The following DMD variants were observed in gnomAD, a reference collection of about 807,000 sequenced individuals.
DMD encodes dystrophin.
Under a neutral mutation model 330.1 loss-of-function variants are expected in DMD, and 63 were observed. The ratio of observed to expected loss-of-function variants is 0.19; its 90% CI spans 0.16 to 0.24. The LOEUF is 0.24. Among genes scored for constraint, DMD ranks in the 10% least tolerant of loss-of-function variants. The pLI is 1.00. For synonymous variants in DMD, 1,223 were observed against 959.8 expected (o/e 1.27, Z -5.07); for missense variants, 3,344 against 2,684.1 (o/e 1.25, Z -5.43).
chrX:31,693,211 A>G (rs900721435), intron 52 of DMD, among the ~76,000 whole-genome samples: 6 of 112,110 alleles, frequency 5.4e-5, no homozygotes, highest in African/African-American at 1.6e-4. Context: ...AGAGCATTTG[A>G]CAAAATTCAA....
chrX:32,868,129 G>T (rs1232195455), intron 2 of DMD, among the ~76,000 whole-genome samples: 1 of 111,616 alleles, frequency 9.0e-6, no homozygotes, highest in Non-Finnish European at 1.9e-5. Flanking sequence ...CGCGACAAGG[G>T]AAGCTCCCAC....
chrX:32,748,987 T>C (rs776855084), intron 7 of DMD, among the ~76,000 whole-genome samples: 14 of 112,253 alleles, frequency 1.2e-4, no homozygotes, highest in Admixed American at 3.8e-4. Flanking sequence ...TTTTCTCCCA[T>C]TGGGGACCTA....
At chrX:31,275,637 C>T (rs1029205812) in intron 62 of DMD, among the ~76,000 whole-genome samples, 1 of 110,719 alleles carries the variant, frequency 9.0e-6, no homozygotes, top group South Asian at 3.8e-4. Flanking sequence ...TGGGAAGAAA[C>T]AAGGGTGGAA....
At chrX:32,247,129 G>A (rs934287699) in intron 43 of DMD, among the ~76,000 whole-genome samples, 1 of 111,536 alleles carries the variant, frequency 9.0e-6, no homozygotes, top group Non-Finnish European at 1.9e-5. Flanking sequence ...TTTACATCAT[G>A]AAAATCTTCA....
At chrX:32,230,461 G>A (rs1036543844) in intron 43 of DMD, among the ~76,000 whole-genome samples, 22 of 111,244 alleles carry the variant, frequency 2.0e-4, no homozygotes, top group Non-Finnish European at 3.2e-4. Context: ...TGGCCAGGAC[G>A]GTCTCGATCT....
intron 43 of DMD, among the ~76,000 whole-genome samples, chrX:32,243,624 G>A (rs1014605515): frequency 9.0e-6 from 1 of 111,627 alleles, no homozygotes; most frequent in Non-Finnish European, 1.9e-5. Context: ...TATAATAAAA[G>A]AATTAGGTAG....
In DMD at chrX:32,024,063, C is replaced by T. The variant is rs143349204; in HGVS notation, c.6439-55549G>A. Among the ~76,000 whole-genome samples, 335 of 111,122 alleles carry T rather than the reference C, an allele frequency of 3.0e-3. 3 individuals are homozygous for T. Among genetic ancestry groups the T allele is most frequent in the African/African-American group, 0.01 (320 of 30,589 alleles). On this transcript the variant is annotated intron_variant, in intron 44 of 78. Transcript: ENST00000357033. The stretch of plus-strand genomic sequence containing the variant: ...GCACTATATCCAGGGAACATGTACC[C>T]GCTGAATCTAAAATAAAAGTTGAAA...
In DMD at chrX:32,699,100, T is replaced by C. The variant is rs1277972297; in HGVS notation, c.831+12A>G. On this transcript the variant is annotated intron_variant, in intron 8 of 78. Transcript: ENST00000357033. ...AACATCTTGAATAGTAGCTGTCCTT[T>C]ACACACTTTACCTGTTGAGAATAGT... The C allele has an allele frequency of 4.2e-6, 5 of 1,200,148 alleles. No homozygotes were observed. In the African/African-American group the frequency reaches 8.8e-5, roughly 21 times the overall value.
chrX:31,794,522 T>G (rs1458378), intron 50 of DMD, among the ~76,000 whole-genome samples: 14,214 of 111,498 alleles, frequency 0.13, 718 homozygotes, highest in East Asian at 0.26. Context: ...CTATTTCATA[T>G]TTTAGATGTG....
rs1195464935 is a variant in DMD, at chrX:33,259,600, C to A, written c.7+79659G>T. ...GTAATGTAAATATTTCAAAATCGCC[C>A]CCCCCCCCCAAAAAAAAAAAGGAAA... On this transcript the variant is annotated intron_variant, in intron 1 of 17. Coordinates refer to the DMD transcript ENST00000288447. Among the ~76,000 whole-genome samples the A allele has an allele frequency of 1.2e-4, 7 of 58,256 alleles. 1 individual carries two copies. In the East Asian group the frequency reaches 3.9e-3, roughly 32 times the overall value. 50.6% of individuals were successfully genotyped at this position (58,256 alleles called of 115,157 possible).
At position 32,882,735 on chromosome X, in the gene DMD, G is replaced by A. The variant is rs758823757; in HGVS notation, c.94-32915C>T. The stretch of plus-strand genomic sequence containing the variant: ...GGACAGTTGAATCAAATCTAGCCCT[G>A]TAGTTATTTTTCAAAGTCAACATGA... On this transcript the variant is annotated intron_variant, in intron 2 of 78. Coordinates refer to ENST00000357033, the MANE Select transcript of DMD (RefSeq NM_004006.3). 8.9e-5 allele frequency among the ~76,000 whole-genome samples: 10 copies of A among 111,936 alleles called. No homozygotes were observed. The South Asian group carries it at 3.7e-3, about 42-fold the overall frequency.
chrX:32,134,223 G>A (rs1253370083), intron 44 of DMD, among the ~76,000 whole-genome samples: 2 of 110,038 alleles, frequency 1.8e-5, no homozygotes, highest in African/African-American at 6.6e-5. Flanking sequence ...AGAATCCAGA[G>A]GGCATACATC....
intron 1 of DMD, among the ~76,000 whole-genome samples, chrX:33,126,963 A>G (rs1314793499): frequency 2.7e-5 from 3 of 112,039 alleles, no homozygotes. Flanking sequence ...TAAAGAGATT[A>G]GTAAAACAGC....
Position 31,370,031 on chromosome X carries a change from G to A in DMD, c.9085-21397C>T, listed in dbSNP as rs185477853. ...GGAGAATGGCGTGAACCCGGGAGGC[G>A]GAACTTGCAGTGAGCCAAGATCGGG... is the stretch of plus-strand genomic sequence containing the variant. On this transcript the variant is annotated intron_variant, in intron 60 of 78. Transcript: ENST00000357033. Among the ~76,000 whole-genome samples the A allele has an allele frequency of 9.9e-3, 1,040 of 104,782 alleles. 15 individuals carry two copies. Among genetic ancestry groups the A allele is most frequent in the African/African-American group, 0.035 (993 of 28,427 alleles). The allele number at this position is 104,782 out of a possible 115,157, so 91.0% of individuals were successfully genotyped here. A position where few individuals can be genotyped will look rare whatever the true frequency, so the allele number is the denominator to read the frequency against.
chrX:32,863,122 C>G (rs2082196179), intron 2 of DMD, among the ~76,000 whole-genome samples: 1 of 111,370 alleles, frequency 9.0e-6, no homozygotes, highest in Non-Finnish European at 1.9e-5. Context: ...TAATTACAAT[C>G]TATCCCAATG....
intron 73 of DMD, 125 bp downstream of exon 73, chrX:31,172,223 A>G: frequency 1.8e-6 from 1 of 559,528 alleles, no homozygotes; most frequent in Non-Finnish European, 3.0e-6. Flanking sequence ...AAAGTAAATG[A>G]ATGGCTCCTT....
At chrX:31,757,957 A>T (rs1034738118) in intron 51 of DMD, among the ~76,000 whole-genome samples, 8 of 110,019 alleles carry the variant, frequency 7.3e-5, no homozygotes, top group African/African-American at 2.7e-4. Context: ...CCAGCTTAAG[A>T]ACTCCCTGAA....
chrX:31,189,780 C>T (rs1569441270), intron 67 of DMD, among the ~76,000 whole-genome samples: 1 of 112,259 alleles, frequency 8.9e-6, no homozygotes, highest in East Asian at 2.8e-4. Context: ...TGTATGAAGT[C>T]AGAATTTTAA....
intron 44 of DMD, among the ~76,000 whole-genome samples, chrX:32,060,852 G>T (rs1210912958): frequency 9.0e-6 from 1 of 111,219 alleles, no homozygotes; most frequent in African/African-American, 3.3e-5. Context: ...GACACAGGAT[G>T]GGACAGTGGT....
Sources: allele counts gnomAD v4.1 joint callset (sites outside exome capture counted in the v4.1 genomes callset), GRCh38; gene constraint gnomAD v4.1.1; transcripts MANE v1.5; gene names NCBI Gene and HGNC (gene_info 2026-07-23, HGNC 2026-07-21).